The following FHOD3 variants were observed in gnomAD, a reference collection of about 807,000 sequenced individuals.
FHOD3 encodes the protein FH1/FH2 domain-containing protein 3.
FHOD3 carries 90 observed loss-of-function variants against 173.0 expected under a neutral mutation model. The ratio of observed to expected loss-of-function variants is 0.52; its 90% CI spans 0.44 to 0.62. The LOEUF (loss-of-function observed/expected upper bound fraction) is 0.62, where lower values mean the gene tolerates loss of function less well. FHOD3 is among the 20% of genes least tolerant of loss of function. FHOD3 has a pLI of 0.00. For missense variants in FHOD3, 1,945 were observed against 2,034.7 expected, an observed-to-expected ratio of 0.96 and a Z score of 0.85; for synonymous variants, 828 against 823.0, an observed-to-expected ratio of 1.01 and a Z score of -0.10.
At chr18:36,690,415 A>G (rs748107382) in intron 16 of FHOD3, among the ~76,000 whole-genome samples, 8 of 152,140 alleles carry the variant, frequency 5.3e-5, no homozygotes, top group Non-Finnish European at 1.0e-4. Context: ...GTGGCTTCGC[A>G]TGGCAGCAGG....
chr18:36,693,655 A>G (rs1479865719), intron 17 of FHOD3, among the ~76,000 whole-genome samples: 3 of 152,232 alleles, frequency 2.0e-5, no homozygotes, highest in Admixed American at 2.0e-4. Context: ...ATGTATGGCC[A>G]TGGAAAAAGG....
At chr18:36,575,785 A>G (rs537559518) in intron 5 of FHOD3, among the ~76,000 whole-genome samples, 1 of 152,346 alleles carries the variant, frequency 6.6e-6, no homozygotes, top group African/African-American at 2.4e-5. Context: ...TAAAAAACAT[A>G]GCTAGTGTTT....
chr18:36,425,693 T>A lies in FHOD3; in HGVS notation c.337+52949T>A, dbSNP rs563507654. On this transcript the variant is annotated intron_variant, in intron 3 of 28. Transcript: ENST00000590592. Reference sequence around the variant, plus strand: ...GATCTGGGTTTGTTTTAATGAAAATTCTTGTTATTGAATTGTTGCTTTAGC... The same window carrying A: ...GATCTGGGTTTGTTTTAATGAAAATACTTGTTATTGAATTGTTGCTTTAGC... Among the ~76,000 whole-genome samples the A allele has an allele frequency of 6.9e-4, 105 of 152,290 alleles. 1 individual carries two copies. In the Middle Eastern group the frequency reaches 0.017, roughly 25 times the overall value.
chr18:36,767,875 T>A (rs1292699625), intron 27 of FHOD3, among the ~76,000 whole-genome samples: 1 of 152,192 alleles, frequency 6.6e-6, no homozygotes, highest in Non-Finnish European at 1.5e-5. Flanking sequence ...TGTGATCCAC[T>A]GTTCCCAACC....
At chr18:36,552,066 A>G (rs983561745) in intron 5 of FHOD3, among the ~76,000 whole-genome samples, 8 of 152,160 alleles carry the variant, frequency 5.3e-5, no homozygotes, top group African/African-American at 1.9e-4. Flanking sequence ...GGATGGCATT[A>G]AATCTGTAAA....
intron 13 of FHOD3, among the ~76,000 whole-genome samples, chr18:36,653,736 A>G (rs1171053026): frequency 6.6e-6 from 1 of 152,210 alleles, no homozygotes; most frequent in African/African-American, 2.4e-5. Context: ...TAGAGTTGGC[A>G]TATTTTGAAC....
intron 12 of FHOD3, 131 bp downstream of exon 12, chr18:36,653,060 G>A: frequency 7.9e-7 from 1 of 1,269,150 alleles, no homozygotes; most frequent in Non-Finnish European, 1.1e-6. Context: ...GAGCAGTTGT[G>A]GCATAAACTT....
chr18:36,303,393 G>A (rs1402870641), intron 1 of FHOD3, among the ~76,000 whole-genome samples: 1 of 152,022 alleles, frequency 6.6e-6, no homozygotes, highest in Non-Finnish European at 1.5e-5. Flanking sequence ...CTTTGCATGC[G>A]GCTGCCTGTC....
chr18:36,582,552 T>C (rs1237897671), intron 6 of FHOD3, among the ~76,000 whole-genome samples: 1 of 152,236 alleles, frequency 6.6e-6, no homozygotes, highest in African/African-American at 2.4e-5. Context: ...ACCAAATGCT[T>C]GTGCATTGTT....
At chr18:36,433,871 C>T (rs907381050) in intron 3 of FHOD3, among the ~76,000 whole-genome samples, 7 of 152,124 alleles carry the variant, frequency 4.6e-5, no homozygotes, top group African/African-American at 1.7e-4. Flanking sequence ...CAGAAAAATG[C>T]ACCCACTTTG....
intron 5 of FHOD3, among the ~76,000 whole-genome samples, chr18:36,528,477 T>C (rs2056630178): frequency 1.3e-5 from 2 of 152,176 alleles, no homozygotes; most frequent in South Asian, 2.1e-4. Context: ...CTTTTTCCTA[T>C]GTAAAGGGCA....
At chr18:36,382,291 T>A (rs1167359448) in intron 3 of FHOD3, among the ~76,000 whole-genome samples, 1 of 152,180 alleles carries the variant, frequency 6.6e-6, no homozygotes, top group African/African-American at 2.4e-5. Context: ...CTGTGGCTCT[T>A]CCTGTCACTG....
intron 10 of FHOD3, among the ~76,000 whole-genome samples, chr18:36,629,954 G>A (rs1008016399): frequency 4.6e-5 from 7 of 152,018 alleles, no homozygotes; most frequent in Non-Finnish European, 1.0e-4. Context: ...TGGAGTCCAG[G>A]AATGCTGTTC....
intron 24 of FHOD3, among the ~76,000 whole-genome samples, chr18:36,753,196 G>A (rs1006019645): frequency 7.9e-5 from 12 of 152,200 alleles, no homozygotes; most frequent in African/African-American, 2.6e-4. Flanking sequence ...CTACCCTGTG[G>A]AGTGGCCTCC....
At chr18:36,568,746 C>T (rs1045319374) in intron 5 of FHOD3, among the ~76,000 whole-genome samples, 2 of 152,188 alleles carry the variant, frequency 1.3e-5, no homozygotes, top group Admixed American at 1.3e-4. Flanking sequence ...TCAACATTTT[C>T]TGTAATATTT....
chr18:36,496,977 AT>A (rs1414407194), intron 3 of FHOD3, among the ~76,000 whole-genome samples: 2 of 152,202 alleles, frequency 1.3e-5, no homozygotes, highest in Non-Finnish European at 2.9e-5. Flanking sequence ...AATAGGTAAT[AT>A]TTTTATATAG....
At chr18:36,399,448 A>G (rs7237430) in intron 3 of FHOD3, among the ~76,000 whole-genome samples, 67,195 of 151,986 alleles carry the variant, frequency 0.44, 15,328 homozygotes, top group East Asian at 0.68. Flanking sequence ...CAGATGTTAT[A>G]TGTGTCTTTT....
At chr18:36,771,858 G>A (rs1187296103) in intron 28 of FHOD3, among the ~76,000 whole-genome samples, 1 of 152,218 alleles carries the variant, frequency 6.6e-6, no homozygotes, top group Non-Finnish European at 1.5e-5. Context: ...TGGAAGGTTT[G>A]GGTCAGGGAC....
intron 3 of FHOD3, among the ~76,000 whole-genome samples, chr18:36,431,821 T>A (rs1057118152): frequency 5.3e-5 from 8 of 152,186 alleles, no homozygotes; most frequent in Non-Finnish European, 1.2e-4. Context: ...CACGACTGTT[T>A]GCAGAGAGTG....
Sources: gnomAD v4.1 joint callset for allele counts (sites outside exome capture counted in the v4.1 genomes callset) on GRCh38, gnomAD v4.1.1 for gene constraint, MANE v1.5 for transcripts, NCBI Gene and HGNC (gene_info 2026-07-23, HGNC 2026-07-21) for gene names.